HPD: variants seen among roughly 807,000 people sequenced by gnomAD.
HPD encodes 4-hydroxyphenylpyruvate dioxygenase.
A neutral mutation model predicts 56.9 loss-of-function variants in HPD; 35 were observed. The ratio of observed to expected loss-of-function variants is 0.62; its 90% CI spans 0.47 to 0.82. The LOEUF is 0.82. Among genes scored for constraint, HPD ranks in the 40% least tolerant of loss-of-function variants. The pLI is 0.00. For missense variants in HPD, 442 were observed against 506.8 expected (o/e 0.87, Z 1.23); for synonymous variants, 186 against 200.2 (o/e 0.93, Z 0.60).
At chr12:121,880,906 C>G in the HPD span, among the ~76,000 whole-genome samples, 1 of 152,154 alleles carries the variant, frequency 6.6e-6, no homozygotes. Context: ...GCAATCCCCC[C>G]ACATCAGCCT....
chr12:121,857,881 G>A, intron 2 of HPD, 62 bp from the exon 3 acceptor site: 1 of 1,298,642 alleles, frequency 7.7e-7, no homozygotes, highest in East Asian at 2.3e-5. Flanking sequence ...AAGTGCGGGT[G>A]GAGTGATGTC....
chr12:121,847,519 T>G (rs952040746), intron 9 of HPD, among the ~76,000 whole-genome samples: 2 of 151,546 alleles, frequency 1.3e-5, no homozygotes, highest in African/African-American at 4.8e-5. Context: ...CTACCACACC[T>G]GGATAATTTT....
upstream of HPD, among the ~76,000 whole-genome samples, chr12:121,860,231 G>A (rs1039870462): frequency 1.3e-5 from 2 of 152,100 alleles, no homozygotes; most frequent in African/African-American, 4.8e-5. Context: ...AGGCCCAGAA[G>A]GTTCCCATGG....
intron 7 of HPD, chr12:121,850,018 C>T: frequency 1.9e-6 from 1 of 536,002 alleles, no homozygotes; most frequent in Non-Finnish European, 3.5e-6. Flanking sequence ...ATGGTGTACC[C>T]AGCGCCAAGC....
rs1394625839 is a variant in HPD at position 121,856,312 on chromosome 12, G to C, written c.324+12C>G. The C allele has an allele frequency of 6.2e-7, 1 of 1,610,288 alleles. No individual in the cohort carries two copies. Among genetic ancestry groups the C allele is most frequent in the Admixed American group, 1.7e-5 (1 of 60,010 alleles). ...GGCCTTCCTCTCTCAGTCCACCCAG[G>C]TGCTTTCTTACCTGCACGATGTAGT... On this transcript the variant is annotated intron_variant, in intron 6 of 13. Coordinates refer to ENST00000289004, the MANE Select transcript of HPD (RefSeq NM_002150.3).
At chr12:121,885,325 C>T in the HPD span, among the ~76,000 whole-genome samples, 5 of 152,014 alleles carry the variant, frequency 3.3e-5, no homozygotes, top group African/African-American at 1.2e-4. Flanking sequence ...ACTCAATCTC[C>T]CGAGTAGCTG....
the HPD span, among the ~76,000 whole-genome samples, chr12:121,875,808 C>A: frequency 6.6e-6 from 1 of 152,088 alleles, no homozygotes; most frequent in African/African-American, 2.4e-5. Flanking sequence ...CGGATACAAA[C>A]AGAAGTAAAT....
At chr12:121,847,955 G>A (rs754981280) in intron 9 of HPD, among the ~76,000 whole-genome samples, 1 of 152,138 alleles carries the variant, frequency 6.6e-6, no homozygotes, top group Non-Finnish European at 1.5e-5. Flanking sequence ...GGGCCACCAC[G>A]CCCAGCCTAG....
At chr12:121,879,747 T>A in the HPD span, among the ~76,000 whole-genome samples, 2 of 152,184 alleles carry the variant, frequency 1.3e-5, no homozygotes, top group African/African-American at 4.8e-5. Flanking sequence ...TACATATGAT[T>A]TGATACTTAT....
chr12:121,864,527 T>C (rs1878270033), upstream of HPD, among the ~76,000 whole-genome samples: 1 of 139,880 alleles, frequency 7.1e-6, no homozygotes, highest in South Asian at 2.3e-4. Flanking sequence ...TACTCCAGCC[T>C]GGGCAACAGA....
chr12:121,860,268 T>C (rs1878140337), upstream of HPD, among the ~76,000 whole-genome samples: 1 of 152,142 alleles, frequency 6.6e-6, no homozygotes, highest in African/African-American at 2.4e-5. Flanking sequence ...GTAGCCTGCC[T>C]ATCCCCTCCA....
At chr12:121,847,281 C>A (rs1877620617) in intron 9 of HPD, 67 bp from the exon 10 acceptor site, 3 of 1,467,432 alleles carry the variant, frequency 2.0e-6, no homozygotes, top group Non-Finnish European at 2.9e-6. Context: ...TCACCCATTT[C>A]CACCTTCCAG....
chr12:121,854,126 C>T (rs1877908337), intron 7 of HPD, among the ~76,000 whole-genome samples: 1 of 151,532 alleles, frequency 6.6e-6, no homozygotes, highest in Admixed American at 6.6e-5. Context: ...CATGGTGGCA[C>T]GCACTTGTGG....
chr12:121,856,503 C>A, intron 5 of HPD, 80 bp downstream of exon 5: 1 of 1,595,036 alleles, frequency 6.3e-7, no homozygotes, highest in South Asian at 1.1e-5. Context: ...CAGAGCCCAC[C>A]CACGGAGCCA....
intron 2 of HPD, 83 bp from the exon 3 acceptor site, chr12:121,857,902 C>G (rs1385671210): frequency 2.4e-5 from 24 of 1,003,000 alleles, no homozygotes; most frequent in Non-Finnish European, 3.4e-5. Flanking sequence ...CCCTAGCCAC[C>G]CTCCTTATTC....
chr12:121,862,636 C>T (rs761447209), upstream of HPD, among the ~76,000 whole-genome samples: 1 of 104,918 alleles, frequency 9.5e-6, no homozygotes, highest in Non-Finnish European at 1.8e-5. Context: ...GAGACAGAGT[C>T]TCCCTCTGTG....
chr12:121,882,797 A>C, the HPD span, among the ~76,000 whole-genome samples: 1 of 152,068 alleles, frequency 6.6e-6, no homozygotes, highest in Non-Finnish European at 1.5e-5. Context: ...GCTGGAGTAC[A>C]GTGGTGTAAT....
At chr12:121,872,821 G>A in the HPD span, among the ~76,000 whole-genome samples, 13 of 152,002 alleles carry the variant, frequency 8.6e-5, no homozygotes, top group African/African-American at 3.1e-4. Flanking sequence ...AAACATGCTT[G>A]TATATAAAGC....
intron 8 of HPD, 30 bp downstream of exon 8, chr12:121,849,657 C>G: frequency 1.4e-6 from 2 of 1,434,062 alleles, no homozygotes; most frequent in Non-Finnish European, 2.0e-6. Context: ...TCAGGGCTTT[C>G]CACCCACCTC....
Sources: gnomAD v4.1 joint callset for allele counts (sites outside exome capture counted in the v4.1 genomes callset) on GRCh38, gnomAD v4.1.1 for gene constraint, MANE v1.5 for transcripts, NCBI Gene and HGNC (gene_info 2026-07-23, HGNC 2026-07-21) for gene names.